ECHDC2: variants seen among roughly 807,000 people sequenced by gnomAD.
The protein encoded by ECHDC2 is enoyl-CoA hydratase domain containing 2.
In ECHDC2, 34 loss-of-function variants were observed where a neutral mutation model predicts 40.6. The observed-to-expected ratio is 0.84, with a 90% confidence interval of 0.64 to 1.11. The LOEUF (loss-of-function observed/expected upper bound fraction) is 1.11. Among genes scored for constraint, ECHDC2 ranks in the 50% most tolerant of loss-of-function variants. The pLI is 0.00. For missense variants in ECHDC2, 392 were observed against 400.7 expected, an observed-to-expected ratio of 0.98 and a Z score of 0.19; for synonymous variants, 162 against 166.6, an observed-to-expected ratio of 0.97 and a Z score of 0.21.
Position 52,897,694 on chromosome 1 carries a change from G to A in ECHDC2, c.754-210C>T, listed in dbSNP as rs543882985. 4.2e-5 allele frequency: 26 copies of A among 618,268 alleles called. No homozygotes were observed. The East Asian group carries it at 6.9e-4, about 17-fold the overall frequency. 38.3% of individuals were successfully genotyped at this position (618,268 alleles called of 1,614,324 possible). A position where few individuals can be genotyped will look rare whatever the true frequency, so the allele number is the denominator to read the frequency against. On this transcript the variant is annotated intron_variant, in intron 8 of 9. Coordinates refer to ENST00000371522, the MANE Select transcript of ECHDC2 (RefSeq NM_001198961.2). ...ACTGAGACATTTTGCCAGAGAAGAG[G>A]AGTTCTCCTTCCCATCCGGCTGCCT...
chr1:52,900,431 G>A (rs1646917310), intron 7 of ECHDC2: 1 of 152,054 alleles, frequency 6.6e-6, no homozygotes, highest in Non-Finnish European at 1.5e-5. Context: ...TGAAGGTTTT[G>A]TTTTATATTC....
In ECHDC2 at chr1:52,904,670, T is replaced by C. The variant is rs1647273985; in HGVS notation, c.678A>G (p.Ala226=). 1.9e-6 allele frequency: 3 copies of C among 1,606,802 alleles called. No homozygotes were observed. The highest frequency in any genetic ancestry group is 1.7e-6 in the Non-Finnish European group (2 of 1,176,982). ...CCTGGGGCAGGATCTCCTGGGCCAG[T>C]GCTCGTGCCCGCTGGTAGGCGGCGT... is the stretch of plus-strand genomic sequence containing the variant. ...EGDAAYQRAR[A]LAQEILPQAP... The change falls in exon 7 of 10, where the codon GCA becomes GCG. Residue 226 remains alanine, a synonymous_variant. Transcript: ENST00000371522.
intron 9 of ECHDC2, 77 bp downstream of exon 9, chr1:52,897,360 G>T: frequency 2.2e-6 from 3 of 1,392,846 alleles, no homozygotes; most frequent in Non-Finnish European, 3.1e-6. Context: ...TTCTAAAATT[G>T]GTCATGTACC....
rs371544385 is a variant in ECHDC2, at chr1:52,904,630, C to T, written c.702+16G>A. On this transcript the variant is annotated intron_variant, in intron 7 of 9. Transcript: ENST00000371522. ...ATGACTCCAGCCCTCCTTCTGGTGC[C>T]GAGCTGTCACCACACCTGGGGCAGG... 5.6e-5 allele frequency: 88 copies of T among 1,561,128 alleles called. No individual in the cohort carries two copies. In the African/African-American group the frequency reaches 9.3e-4, roughly 16 times the overall value.
intron 3 of ECHDC2, among the ~76,000 whole-genome samples, chr1:52,908,822 T>G (rs1374939109): frequency 6.8e-6 from 1 of 148,084 alleles, no homozygotes; most frequent in Non-Finnish European, 1.5e-5. Context: ...TAATCCCAGC[T>G]ACTAGGGAGG....
intron 1 of ECHDC2, among the ~76,000 whole-genome samples, chr1:52,921,065 C>T (rs1651769445): frequency 6.6e-6 from 1 of 152,238 alleles, no homozygotes; most frequent in Non-Finnish European, 1.5e-5. Context: ...GCGAACTTTT[C>T]CCTGGAGCCA....
intron 5 of ECHDC2, 151 bp from the exon 6 acceptor site, chr1:52,905,241 T>C: frequency 1.3e-6 from 1 of 770,044 alleles, no homozygotes; most frequent in Non-Finnish European, 2.1e-6. Flanking sequence ...ACTCTGCCTT[T>C]GGAAGAGCCC....
At chr1:52,920,595 T>G in intron 1 of ECHDC2, 1 of 1,149,094 alleles carries the variant, frequency 8.7e-7, no homozygotes, top group Non-Finnish European at 1.3e-6. Context: ...TGGCAAAAAG[T>G]AAGCTGTTCC....
chr1:52,914,808 C>T lies in ECHDC2; in HGVS notation c.122-3018G>A, dbSNP rs1172498498. On this transcript the variant is annotated intron_variant, in intron 1 of 9. Transcript: ENST00000371522. This position sits in a 1 kb window ranked among gnomAD's most constrained non-coding sequence, Gnocchi z 4.0. ...AAGAGATCTCAGGCCTCTCAGCTCA[C>T]ACCGCTTCTCACAGCCATTAATCTG... 2.0e-5 allele frequency among the ~76,000 whole-genome samples: 3 copies of T among 152,154 alleles called. No homozygotes were observed. Among genetic ancestry groups the T allele is most frequent in the Non-Finnish European group, 4.4e-5 (3 of 68,026 alleles).
chr1:52,898,793 C>T, intron 8 of ECHDC2: 2 of 326,526 alleles, frequency 6.1e-6, no homozygotes, highest in South Asian at 2.8e-5. Flanking sequence ...GGATTAGCCA[C>T]ACCCAAGGCA....
At chr1:52,908,299 C>G (rs1439809031) in intron 3 of ECHDC2, among the ~76,000 whole-genome samples, 1 of 152,006 alleles carries the variant, frequency 6.6e-6, no homozygotes, top group Non-Finnish European at 1.5e-5. Flanking sequence ...CACCTGAGGT[C>G]AGTAGTTCAA....
chr1:52,920,657 T>C (rs574988574), intron 1 of ECHDC2: 1 of 735,420 alleles, frequency 1.4e-6, no homozygotes, highest in South Asian at 1.7e-5. Flanking sequence ...TAAACCTCTC[T>C]ATTCCCTGCC....
chr1:52,896,488 T>C lies in ECHDC2; in HGVS notation c.*32A>G, dbSNP rs1231845718. On this transcript the variant is annotated 3_prime_UTR_variant, in exon 10 of 10. Transcript: ENST00000371522. ...CTTCTGGATCCTGCTCTTCAGGGCA[T>C]GCATCTCCCATGCTGAAGGTTAAAA... 1 of 1,564,320 alleles carries C rather than the reference T, an allele frequency of 6.4e-7. No individual in the cohort carries two copies. Among genetic ancestry groups the C allele is most frequent in the Admixed American group, 1.7e-5 (1 of 59,960 alleles).
Position 52,904,823 on chromosome 1 carries a change from C to T in ECHDC2, c.525G>A (p.Gln175=), listed in dbSNP as rs756125045. Residue 175 remains glutamine, a synonymous_variant, in exon 7 of 10, where the codon CAG becomes CAA. Transcript: ENST00000371522. ...CCACCCCCAGACAACGGGGCAGCCT[C>T]TGAGTCCCTCCTACCAGGATGGAGG... ...RGLLPGAGGT[Q]RLPRCLGVAL... is the part of the protein sequence containing the mutation. 3.7e-6 allele frequency: 6 copies of T among 1,612,082 alleles called. No homozygotes were observed. In the African/African-American group the frequency reaches 8.0e-5, roughly 22 times the overall value.
At position 52,914,640 on chromosome 1, in the gene ECHDC2, T is replaced by A. The variant is rs1650280564; in HGVS notation, c.122-2850A>T. The stretch of plus-strand genomic sequence containing the variant: ...CCCCAGGCCTGAATAGCCAAATGCC[T>A]ACTTGATATCTCAACTGGTATGTCC... On this transcript the variant is annotated intron_variant, in intron 1 of 9. Transcript: ENST00000371522. The surrounding 1 kb of genome is among the most constrained non-coding windows in gnomAD (Gnocchi z 4.0). Among the ~76,000 whole-genome samples the A allele has an allele frequency of 6.6e-6, 1 of 152,138 alleles. No individual in the cohort carries two copies.
Position 52,897,444 on chromosome 1 carries a change from T to A in ECHDC2, c.794A>T (p.Tyr265Phe). 2 of 1,614,216 alleles carry A rather than the reference T, an allele frequency of 1.2e-6. No homozygotes were observed. The highest frequency in any genetic ancestry group is 2.2e-5 in the South Asian group (2 of 91,082). ...GGGCTGGTTGCTACATACCTGGGCA[T>A]AGCACATCCCTTCAATGGCCATCCC... ...ASGMAIEGMC[Y>F]AQNIPTRDRL... is the part of the protein sequence containing the mutation. The change falls in exon 9 of 10, where the codon TAT (tyrosine) becomes TTT (phenylalanine). Residue 265 changes from tyrosine (Y) to phenylalanine (F), a missense_variant. Transcript: ENST00000371522.
chr1:52,911,798 G>T lies in ECHDC2; in HGVS notation c.122-8C>A, dbSNP rs750694908. On this transcript the variant is annotated splice_region_variant and splice_polypyrimidine_tract_variant and intron_variant, in intron 1 of 9. Coordinates refer to ENST00000371522, the MANE Select transcript of ECHDC2 (RefSeq NM_001198961.2). ...TCAGAATCTCAGTGATCCCTGTAAG[G>T]AGTCAGGGCAGCCACGGGAAAGCAG... 1.2e-6 allele frequency: 2 copies of T among 1,613,796 alleles called. No individual in the cohort carries two copies. The highest frequency in any genetic ancestry group is 2.2e-5 in the East Asian group (1 of 44,878).
intron 3 of ECHDC2, among the ~76,000 whole-genome samples, chr1:52,908,307 C>T (rs1648482822): frequency 6.6e-6 from 1 of 151,864 alleles, no homozygotes; most frequent in Admixed American, 6.6e-5. Context: ...GTCAGTAGTT[C>T]AAGACCAACA....
chr1:52,906,630 G>C lies in ECHDC2; in HGVS notation c.365-19C>G. The C allele has an allele frequency of 6.3e-7, 1 of 1,590,306 alleles. No individual in the cohort carries two copies. The highest frequency in any genetic ancestry group is 8.6e-7 in the Non-Finnish European group (1 of 1,166,554). ...AAGGCTGCTGTGGAGAGGAAGAAAG[G>C]CTCAGCCTGCAAAGCCCTGGTGGGA... is the stretch of plus-strand genomic sequence containing the variant. On this transcript the variant is annotated intron_variant, in intron 4 of 9. Coordinates refer to ENST00000371522, the MANE Select transcript of ECHDC2 (RefSeq NM_001198961.2).
Sources: allele counts gnomAD v4.1 joint callset (sites outside exome capture counted in the v4.1 genomes callset), GRCh38; gene constraint gnomAD v4.1.1; non-coding constraint Gnocchi (gnomAD v3.1); transcripts MANE v1.5; gene names NCBI Gene and HGNC (gene_info 2026-07-23, HGNC 2026-07-21).